SPOCK3: variants seen among roughly 807,000 people sequenced by gnomAD.
SPOCK3 encodes testican-3.
SPOCK3 carries 30 observed loss-of-function variants against 56.6 expected under a neutral mutation model. The ratio of observed to expected loss-of-function variants is 0.53; its 90% CI spans 0.40 to 0.72. The LOEUF (loss-of-function observed/expected upper bound fraction) is 0.72, where lower values mean the gene tolerates loss of function less well. Among genes scored for constraint, SPOCK3 ranks in the 30% least tolerant of loss-of-function variants. The pLI, the probability that SPOCK3 is intolerant of heterozygous loss-of-function variation, is 0.00. For synonymous variants in SPOCK3, 196 were observed against 183.3 expected (o/e 1.07, Z -0.56); for missense variants, 527 against 530.0 (o/e 0.99, Z 0.06).
At chr4:167,011,029 T>G (rs1579988220) in intron 3 of SPOCK3, among the ~76,000 whole-genome samples, 1 of 152,208 alleles carries the variant, frequency 6.6e-6, no homozygotes, top group South Asian at 2.1e-4. Flanking sequence ...ATTTCATAAC[T>G]TTTAAACTAG....
At chr4:167,194,821 C>T (rs917930524) in intron 2 of SPOCK3, among the ~76,000 whole-genome samples, 2 of 152,198 alleles carry the variant, frequency 1.3e-5, no homozygotes, top group Non-Finnish European at 2.9e-5. Context: ...TACACCACTT[C>T]AGGCTCCACA....
At chr4:167,199,588 C>T (rs1561314769) in intron 2 of SPOCK3, among the ~76,000 whole-genome samples, 2 of 151,754 alleles carry the variant, frequency 1.3e-5, no homozygotes, top group African/African-American at 2.4e-5. Flanking sequence ...TCAGTTCTCT[C>T]GCCTTGTCCT....
intron 8 of SPOCK3, among the ~76,000 whole-genome samples, chr4:166,747,951 G>A (rs1735867190): frequency 6.6e-6 from 1 of 151,986 alleles, no homozygotes; most frequent in African/African-American, 2.4e-5. Flanking sequence ...CCTCTTCAAG[G>A]AGAACTACAA....
At chr4:166,754,297 A>G in intron 8 of SPOCK3, 2 of 1,283,824 alleles carry the variant, frequency 1.6e-6, no homozygotes, top group South Asian at 2.6e-5. Context: ...CAAAATATTA[A>G]TTACTATTTT....
intron 6 of SPOCK3, among the ~76,000 whole-genome samples, chr4:166,793,220 T>C (rs1427456440): frequency 6.6e-6 from 1 of 152,138 alleles, no homozygotes; most frequent in Non-Finnish European, 1.5e-5. Context: ...TTAAAAATTA[T>C]GCAATTATAG....
chr4:166,861,324 C>CTCTCTCTCTCTTTTTT (rs1264218211), intron 6 of SPOCK3, among the ~76,000 whole-genome samples: 1 of 152,048 alleles, frequency 6.6e-6, no homozygotes, highest in Non-Finnish European at 1.5e-5. Context: ...CAGTCAATCT[C>CTCTCTCTCTCTTTTTT]TCTCTCTCTC....
intron 4 of SPOCK3, among the ~76,000 whole-genome samples, chr4:166,999,142 CTGT>C: frequency 6.6e-6 from 1 of 152,232 alleles, no homozygotes; most frequent in East Asian, 1.9e-4. Context: ...TATCACCAAA[CTGT>C]TGTTTTCTTT....
At chr4:167,124,042 G>T (rs1178908103) in intron 2 of SPOCK3, among the ~76,000 whole-genome samples, 1 of 152,012 alleles carries the variant, frequency 6.6e-6, no homozygotes, top group Non-Finnish European at 1.5e-5. Flanking sequence ...ACCACGCCCT[G>T]CCCCAAAAAG....
At chr4:166,953,384 G>A (rs1438719636) in intron 4 of SPOCK3, among the ~76,000 whole-genome samples, 2 of 151,922 alleles carry the variant, frequency 1.3e-5, no homozygotes, top group Admixed American at 1.3e-4. Context: ...ACCACAATGA[G>A]ATACCATCTC....
chr4:166,961,247 A>C (rs1304732753), intron 4 of SPOCK3, among the ~76,000 whole-genome samples: 4 of 126,720 alleles, frequency 3.2e-5, no homozygotes, highest in East Asian at 4.0e-4. Context: ...TTACCCACGA[A>C]ATTAAAAAAA....
At chr4:167,081,000 C>T (rs1300051973) in intron 2 of SPOCK3, among the ~76,000 whole-genome samples, 1 of 151,494 alleles carries the variant, frequency 6.6e-6, no homozygotes, top group Non-Finnish European at 1.5e-5. Context: ...CCTACCTCAG[C>T]CTCCCGAGTA....
chr4:166,866,759 C>T (rs1731885732), intron 6 of SPOCK3, among the ~76,000 whole-genome samples: 1 of 151,910 alleles, frequency 6.6e-6, no homozygotes, highest in Non-Finnish European at 1.5e-5. Flanking sequence ...ATTATATTTC[C>T]AATCAGAAAT....
intron 4 of SPOCK3, among the ~76,000 whole-genome samples, chr4:166,942,154 A>G (rs1262457227): frequency 6.6e-6 from 1 of 152,214 alleles, no homozygotes; most frequent in Non-Finnish European, 1.5e-5. Flanking sequence ...AATGTGGTTA[A>G]TAAATGCACT....
In SPOCK3 at chr4:167,122,152, TTC is replaced by T. The variant is rs547205872; in HGVS notation, c.190-59617_190-59616del. On this transcript the variant is annotated intron_variant, in intron 2 of 10. Transcript: ENST00000357545. ...CTTTTGTTGTCTTTTTCTTTTCTCA[TTC>T]TCTCTCTCTCTCTCTTTCTCTCTCT... Among the ~76,000 whole-genome samples, 293 of 149,784 alleles carry T rather than the reference TTC, an allele frequency of 2.0e-3. 1 individual carries two copies. The highest frequency in any genetic ancestry group is 3.1e-3 in the Non-Finnish European group (208 of 67,206).
chr4:167,058,393 A>C (rs181989138), intron 3 of SPOCK3, among the ~76,000 whole-genome samples: 2 of 152,310 alleles, frequency 1.3e-5, no homozygotes, highest in African/African-American at 4.8e-5. Context: ...GTGAACTCCC[A>C]TTCATAAGTG....
intron 4 of SPOCK3, among the ~76,000 whole-genome samples, chr4:166,993,915 G>A (rs1469542118): frequency 1.3e-5 from 2 of 152,088 alleles, no homozygotes; most frequent in African/African-American, 4.8e-5. Flanking sequence ...AAAAACAGAG[G>A]GAGATACATA....
chr4:167,006,265 A>C (rs568986619), intron 3 of SPOCK3, among the ~76,000 whole-genome samples: 122 of 152,254 alleles, frequency 8.0e-4, no homozygotes, highest in African/African-American at 2.9e-3. Flanking sequence ...AAGCCCTTGG[A>C]ATTACAAAAC....
intron 2 of SPOCK3, among the ~76,000 whole-genome samples, chr4:167,163,116 T>C (rs1159063312): frequency 6.6e-6 from 1 of 151,206 alleles, no homozygotes; most frequent in Non-Finnish European, 1.5e-5. Context: ...TACATACAAT[T>C]TTGTACTACT....
intron 6 of SPOCK3, among the ~76,000 whole-genome samples, chr4:166,880,878 C>G (rs1733615930): frequency 6.6e-6 from 1 of 152,146 alleles, no homozygotes; most frequent in Admixed American, 6.6e-5. Context: ...TTATATATCC[C>G]TCATTAAGTA....
Sources: allele counts gnomAD v4.1 joint callset (sites outside exome capture counted in the v4.1 genomes callset), GRCh38; gene constraint gnomAD v4.1.1; transcripts MANE v1.5; gene names NCBI Gene and HGNC (gene_info 2026-07-23, HGNC 2026-07-21).